Variants in CLASP2 observed in about 807,000 individuals in gnomAD.
The protein encoded by CLASP2 is CLIP-associating protein 2.
A neutral mutation model predicts 194.4 loss-of-function variants in CLASP2; 47 were observed. The observed-to-expected ratio is 0.24, with a 90% CI of 0.19 to 0.31. The LOEUF (loss-of-function observed/expected upper bound fraction) is 0.31, where lower values mean the gene tolerates loss of function less well. Among genes scored for constraint, CLASP2 ranks in the 10% least tolerant of loss-of-function variants. The pLI is 1.00. For synonymous variants in CLASP2, 619 were observed against 633.5 expected, an observed-to-expected ratio of 0.98 and a Z score of 0.34; for missense variants, 1,445 against 1,823.6, an observed-to-expected ratio of 0.79 and a Z score of 3.78.
chr3:33,709,003 T>C (rs1230471153), intron 1 of CLASP2, among the ~76,000 whole-genome samples: 2 of 152,246 alleles, frequency 1.3e-5, no homozygotes, highest in Non-Finnish European at 2.9e-5. Flanking sequence ...TTTTGGATAT[T>C]AAACCCTTAT....
intron 32 of CLASP2, among the ~76,000 whole-genome samples, chr3:33,542,203 T>C (rs1163016157): frequency 6.6e-6 from 1 of 152,042 alleles, no homozygotes; most frequent in Non-Finnish European, 1.5e-5. Context: ...GCTTGAATCA[T>C]ACAAGTGTGT....
chr3:33,697,035 A>G lies in CLASP2; in HGVS notation c.196-102T>C, dbSNP rs557136514. The G allele has an allele frequency of 7.1e-6, 5 of 700,658 alleles. No individual in the cohort carries two copies. In the African/African-American group the frequency reaches 9.1e-5, roughly 13 times the overall value. 43.4% of individuals were successfully genotyped at this position (700,658 alleles called of 1,614,324 possible). A position where few individuals can be genotyped will look rare whatever the true frequency, so the allele number is the denominator to read the frequency against. On this transcript the variant is annotated intron_variant, in intron 1 of 38. Coordinates refer to ENST00000682230, the MANE Select transcript of CLASP2 (RefSeq NM_001365631.1). ...TAAAAGATCTTCATAAATATATTAC[A>G]TTTTTTAAAAATGAGATTTAAGTAT...
At chr3:33,688,397 A>G in intron 3 of CLASP2, 29 bp from the exon 4 acceptor site, 1 of 1,439,424 alleles carries the variant, frequency 6.9e-7, no homozygotes, top group Non-Finnish European at 9.5e-7. Flanking sequence ...AAAACGTATA[A>G]CAAAAAACTA....
At chr3:33,573,657 C>G (rs990957377) in intron 24 of CLASP2, among the ~76,000 whole-genome samples, 8 of 151,848 alleles carry the variant, frequency 5.3e-5, no homozygotes, top group Admixed American at 2.0e-4. Context: ...CCCCTTTTCA[C>G]GAAAAACCAA....
At chr3:33,591,831 T>C (rs2068866573) in intron 21 of CLASP2, among the ~76,000 whole-genome samples, 1 of 152,218 alleles carries the variant, frequency 6.6e-6, no homozygotes, top group Admixed American at 6.5e-5. Context: ...TATAAATTAG[T>C]ATATACCTGC....
chr3:33,559,812 T>C (rs1214326548), intron 28 of CLASP2, among the ~76,000 whole-genome samples: 1 of 152,080 alleles, frequency 6.6e-6, no homozygotes, highest in Non-Finnish European at 1.5e-5. Context: ...GAGAATCGCT[T>C]GAACCCAGGA....
At chr3:33,523,638 G>C (rs997986931) in intron 34 of CLASP2, among the ~76,000 whole-genome samples, 2 of 152,078 alleles carry the variant, frequency 1.3e-5, no homozygotes, top group African/African-American at 4.8e-5. Context: ...AAGAAATACA[G>C]ATCTCAATAA....
intron 16 of CLASP2, among the ~76,000 whole-genome samples, chr3:33,606,330 T>A (rs906701205): frequency 1.3e-5 from 2 of 151,958 alleles, no homozygotes; most frequent in Non-Finnish European, 1.5e-5. Flanking sequence ...TAAAAAAAAA[T>A]GTAGTGCTTC....
chr3:33,640,026 T>A (rs2154302618), intron 8 of CLASP2, among the ~76,000 whole-genome samples: 1 of 152,292 alleles, frequency 6.6e-6, no homozygotes, highest in South Asian at 2.1e-4. Context: ...GGTCAGATAA[T>A]CTTTAACGCC....
At chr3:33,548,236 TTTAAA>T (rs1416357653) in intron 30 of CLASP2, among the ~76,000 whole-genome samples, 6 of 152,218 alleles carry the variant, frequency 3.9e-5, no homozygotes, top group African/African-American at 1.4e-4. Context: ...TTTTTAAGTC[TTTAAA>T]TCAAATACTT....
At chr3:33,706,584 C>G (rs1214235275) in intron 1 of CLASP2, among the ~76,000 whole-genome samples, 1 of 152,132 alleles carries the variant, frequency 6.6e-6, no homozygotes, top group East Asian at 1.9e-4. Context: ...AAGATACAGA[C>G]AGAAGACAGA....
At position 33,566,751 on chromosome 3, in the gene CLASP2, C is replaced by T. The variant is rs1387364037; in HGVS notation, c.2764-17G>A. 2 of 444,460 alleles carry T rather than the reference C, an allele frequency of 4.5e-6. No individual in the cohort carries two copies. The highest frequency in any genetic ancestry group is 4.1e-5 in the African/African-American group (2 of 49,272). The allele number at this position is 444,460 out of a possible 1,614,324, so 27.5% of individuals were successfully genotyped here. A position where few individuals can be genotyped will look rare whatever the true frequency, so the allele number is the denominator to read the frequency against. The stretch of plus-strand genomic sequence containing the variant: ...ACTTACTCTCTATTGAGAGTTCCAA[C>T]ACAGGGGACAGCATGCAAAAAGAAA... On this transcript the variant is annotated splice_polypyrimidine_tract_variant and intron_variant, in intron 26 of 38. Coordinates refer to ENST00000682230, the MANE Select transcript of CLASP2 (RefSeq NM_001365631.1).
chr3:33,527,359 C>A (rs985815148), intron 34 of CLASP2, among the ~76,000 whole-genome samples: 2 of 152,022 alleles, frequency 1.3e-5, no homozygotes, highest in African/African-American at 4.8e-5. Context: ...AACTAGAAAA[C>A]CTAGAAGAGA....
intron 34 of CLASP2, among the ~76,000 whole-genome samples, chr3:33,530,090 G>C (rs1323234250): frequency 2.7e-5 from 4 of 150,312 alleles, no homozygotes; most frequent in Non-Finnish European, 1.5e-5. Context: ...CCTCCTGAAG[G>C]ACCCGAATGA....
intron 1 of CLASP2, among the ~76,000 whole-genome samples, chr3:33,697,814 C>T (rs973009073): frequency 6.6e-6 from 1 of 152,126 alleles, no homozygotes; most frequent in Non-Finnish European, 1.5e-5. Flanking sequence ...GAAATCTAAA[C>T]AAAGACATGG....
chr3:33,641,570 A>G (rs527687005), intron 8 of CLASP2, among the ~76,000 whole-genome samples: 2 of 152,136 alleles, frequency 1.3e-5, no homozygotes, highest in South Asian at 4.1e-4. Flanking sequence ...AGGCCAAAGA[A>G]CAAAGCAAAT....
intron 3 of CLASP2, among the ~76,000 whole-genome samples, chr3:33,688,626 CCAA>C (rs1157048909): frequency 1.3e-5 from 2 of 152,114 alleles, no homozygotes; most frequent in African/African-American, 4.8e-5. Flanking sequence ...AGAACCATGT[CCAA>C]CAACTGAAAA....
chr3:33,620,997 T>TTGTGTGTGTG (rs60682503), intron 11 of CLASP2, among the ~76,000 whole-genome samples: 8 of 142,554 alleles, frequency 5.6e-5, no homozygotes, highest in African/African-American at 1.3e-4. Flanking sequence ...CTGTAGCTCT[T>TTGTGTGTGTG]TGTGTGTGTG....
chr3:33,634,022 T>C (rs1057216886), intron 8 of CLASP2, among the ~76,000 whole-genome samples: 2 of 151,796 alleles, frequency 1.3e-5, no homozygotes, highest in African/African-American at 2.4e-5. Context: ...CCGAGCAAGA[T>C]AAATAAAAAG....
Sources: allele counts gnomAD v4.1 joint callset (sites outside exome capture counted in the v4.1 genomes callset), GRCh38; gene constraint gnomAD v4.1.1; transcripts MANE v1.5; gene names NCBI Gene and HGNC (gene_info 2026-07-23, HGNC 2026-07-21).